Variants in NR5A2 observed in about 807,000 individuals in gnomAD.
NR5A2 encodes the protein nuclear receptor subfamily 5 group A member 2.
A neutral mutation model predicts 62.7 loss-of-function variants in NR5A2; 26 were observed. The observed-to-expected ratio is 0.41, with a 90% CI of 0.30 to 0.58. The LOEUF is 0.58. NR5A2 is among the 20% of genes least tolerant of loss of function. The pLI is 0.22. For missense variants in NR5A2, 541 were observed against 669.1 expected, an observed-to-expected ratio of 0.81 and a Z score of 2.11; for synonymous variants, 246 against 241.7, an observed-to-expected ratio of 1.02 and a Z score of -0.16.
Position 200,048,571 on chromosome 1 carries a change from C to T in NR5A2, c.863C>T (p.Ser288Leu), listed in dbSNP as rs1234504519. The part of the protein sequence containing the change: ...TSSPESIMGY[S>L]YMDSYQTSSP... ...TCACCCGAGTCCATAATGGGCTATT[C>T]ATATATGGATAGTTACCAGACGAGC... Residue 288 changes from serine (S) to leucine (L), a missense_variant, in exon 5 of 8, where the codon TCA (serine) becomes TTA (leucine). This residue lies in a region of NR5A2 where 379 missense variants were observed against 442.0 expected (regional missense o/e 0.86). Transcript: ENST00000367362. The surrounding 1 kb of genome is among the most constrained non-coding windows in gnomAD (Gnocchi z 4.8). The T allele has an allele frequency of 6.2e-7, 1 of 1,614,174 alleles. No homozygotes were observed. The highest frequency in any genetic ancestry group is 8.5e-7 in the Non-Finnish European group (1 of 1,180,022).
At chr1:200,079,854 G>A (rs1002393480) in intron 5 of NR5A2, among the ~76,000 whole-genome samples, 6 of 135,598 alleles carry the variant, frequency 4.4e-5, no homozygotes, top group African/African-American at 1.4e-4. Context: ...GACTTGATAA[G>A]GGTGGCCTTG....
chr1:200,135,687 T>G (rs1162325661), intron 7 of NR5A2, among the ~76,000 whole-genome samples: 2 of 152,176 alleles, frequency 1.3e-5, no homozygotes, highest in African/African-American at 4.8e-5. Flanking sequence ...GTGTATCACC[T>G]CACTTTTTTC....
intron 5 of NR5A2, among the ~76,000 whole-genome samples, chr1:200,080,565 C>T (rs1198617992): frequency 2.0e-5 from 3 of 152,076 alleles, no homozygotes; most frequent in African/African-American, 7.2e-5. Context: ...AAACAAAAGG[C>T]GATTTTTCTT....
intron 5 of NR5A2, among the ~76,000 whole-genome samples, chr1:200,069,829 T>C (rs1283199111): frequency 6.6e-6 from 1 of 152,070 alleles, no homozygotes; most frequent in Non-Finnish European, 1.5e-5. Flanking sequence ...AAGTGACTAA[T>C]TAAGAGGAAC....
chr1:200,149,999 G>A (rs182048032), intron 7 of NR5A2, among the ~76,000 whole-genome samples: 21 of 152,204 alleles, frequency 1.4e-4, no homozygotes, highest in Admixed American at 2.6e-4. Context: ...TATGTAAAGC[G>A]TATAACTCCA....
At chr1:200,034,485 T>A (rs1310595149) in intron 1 of NR5A2, among the ~76,000 whole-genome samples, 1 of 151,666 alleles carries the variant, frequency 6.6e-6, no homozygotes, top group African/African-American at 2.4e-5. Context: ...AGAAAATAAG[T>A]GAAAAGGTTC....
intron 5 of NR5A2, among the ~76,000 whole-genome samples, chr1:200,079,991 C>T (rs1336270888): frequency 2.6e-5 from 4 of 152,156 alleles, no homozygotes; most frequent in Admixed American, 2.6e-4. Context: ...AAGCTAGATA[C>T]TATCAAATAG....
rs114617389 is a variant in NR5A2 at position 200,089,614 on chromosome 1, C to T, written c.1111-21588C>T. ...CCTCCTGAGTAGCTGAGACTATAGG[C>T]GTGTGCCACCAAGCCCAGCTACTTC... On this transcript the variant is annotated intron_variant, in intron 5 of 7. Transcript: ENST00000367362. Among the ~76,000 whole-genome samples the T allele has an allele frequency of 1.3e-3, 201 of 152,230 alleles. 1 individual carries two copies. The highest frequency in any genetic ancestry group is 4.6e-3 in the African/African-American group (193 of 41,532).
chr1:200,132,614 A>G (rs1456951633), intron 7 of NR5A2, among the ~76,000 whole-genome samples: 1 of 152,214 alleles, frequency 6.6e-6, no homozygotes, highest in African/African-American at 2.4e-5. Context: ...ATGCCTCTTC[A>G]GTTTCCCAAC....
At chr1:200,079,668 G>T (rs1664200887) in intron 5 of NR5A2, among the ~76,000 whole-genome samples, 1 of 152,176 alleles carries the variant, frequency 6.6e-6, no homozygotes. Context: ...TTTTCCTTGG[G>T]CCTGCTCCCA....
chr1:200,167,754 A>G (rs548197752), intron 7 of NR5A2, among the ~76,000 whole-genome samples: 2 of 152,298 alleles, frequency 1.3e-5, no homozygotes, highest in East Asian at 1.9e-4. Flanking sequence ...TTAACAGTGT[A>G]CCAAAGACCT....
chr1:200,075,549 G>C (rs558621011), intron 5 of NR5A2, among the ~76,000 whole-genome samples: 2 of 152,382 alleles, frequency 1.3e-5, no homozygotes, highest in East Asian at 3.9e-4. Flanking sequence ...TTAAAACTAA[G>C]TGCCACACAG....
At chr1:200,128,445 T>C (rs1447792934) in intron 7 of NR5A2, among the ~76,000 whole-genome samples, 1 of 152,230 alleles carries the variant, frequency 6.6e-6, no homozygotes, top group Non-Finnish European at 1.5e-5. Flanking sequence ...TTGTAGCTGA[T>C]TGTCACCTCT....
intron 5 of NR5A2, among the ~76,000 whole-genome samples, chr1:200,105,062 G>C (rs1665581978): frequency 6.6e-6 from 1 of 151,754 alleles, no homozygotes; most frequent in Non-Finnish European, 1.5e-5. Context: ...GGGCTCAAGT[G>C]ATCCTCCAGC....
At chr1:200,072,252 T>A (rs1394113387) in intron 5 of NR5A2, among the ~76,000 whole-genome samples, 1 of 146,310 alleles carries the variant, frequency 6.8e-6, no homozygotes, top group Non-Finnish European at 1.5e-5. Flanking sequence ...CAGCAAGCAA[T>A]TTTTTATGGA....
chr1:200,053,875 A>G, intron 5 of NR5A2, among the ~76,000 whole-genome samples: 1 of 152,184 alleles, frequency 6.6e-6, no homozygotes, highest in South Asian at 2.1e-4. Context: ...AGCATTCTCT[A>G]GTGCCCTACC....
intron 6 of NR5A2, among the ~76,000 whole-genome samples, chr1:200,113,996 C>T (rs1666086192): frequency 6.6e-6 from 1 of 152,034 alleles, no homozygotes; most frequent in Admixed American, 6.6e-5. Flanking sequence ...GCCTGGCGAA[C>T]ATGGTGAAGC....
At chr1:200,082,330 T>C (rs374545642) in intron 5 of NR5A2, among the ~76,000 whole-genome samples, 9 of 152,240 alleles carry the variant, frequency 5.9e-5, no homozygotes, top group African/African-American at 2.2e-4. Context: ...TATTTTTGTA[T>C]ACAATTCTAA....
intron 7 of NR5A2, among the ~76,000 whole-genome samples, chr1:200,156,402 A>C (rs551802308): frequency 6.6e-6 from 1 of 152,154 alleles, no homozygotes; most frequent in Non-Finnish European, 1.5e-5. Context: ...CCATACAACC[A>C]TTCTGGTTTT....
Sources: allele counts gnomAD v4.1 joint callset (sites outside exome capture counted in the v4.1 genomes callset), GRCh38; gene constraint gnomAD v4.1.1; regional missense constraint gnomAD v4.1.1; non-coding constraint Gnocchi (gnomAD v3.1); transcripts MANE v1.5; gene names NCBI Gene and HGNC (gene_info 2026-07-23, HGNC 2026-07-21).